The following PRTG variants were observed in gnomAD, a reference collection of about 807,000 sequenced individuals.
PRTG encodes the protein protogenin.
In PRTG, 67 loss-of-function variants were observed where a neutral mutation model predicts 122.5. The observed-to-expected ratio is 0.55, with a 90% CI of 0.45 to 0.67. The LOEUF (loss-of-function observed/expected upper bound fraction) is 0.67. Among genes scored for constraint, PRTG ranks in the 30% least tolerant of loss-of-function variants. PRTG has a pLI of 0.00. For missense variants in PRTG, 1,435 were observed against 1,415.4 expected, an observed-to-expected ratio of 1.01 and a Z score of -0.22; for synonymous variants, 554 against 501.1, an observed-to-expected ratio of 1.11 and a Z score of -1.41.
chr15:55,734,353 T>A (rs1483854008), intron 2 of PRTG, among the ~76,000 whole-genome samples: 1 of 152,134 alleles, frequency 6.6e-6, no homozygotes, highest in African/African-American at 2.4e-5. Context: ...TTATTTAAAG[T>A]AGTCTGCATA....
intron 19 of PRTG, among the ~76,000 whole-genome samples, 153 bp downstream of exon 19, chr15:55,620,510 G>C (rs1595597490): frequency 6.6e-6 from 1 of 152,108 alleles, no homozygotes; most frequent in Non-Finnish European, 1.5e-5. Flanking sequence ...CATTCACCTC[G>C]CTCTCCACAG....
chr15:55,638,593 GA>G lies in PRTG; in HGVS notation c.2407del (p.Ser803ProfsTer7), dbSNP rs2059271137. On this transcript the variant is annotated frameshift_variant, in exon 14 of 20. Coordinates refer to ENST00000389286, the MANE Select transcript of PRTG (RefSeq NM_173814.6). LOFTEE classifies it high-confidence loss of function. Reference protein sequence around the residue: ...FAVRLHVDQLSSPWSPVVYHS... With the variant: ...FAVRLHVDQLXSPWSPVVYHS... ...GTAGACTACAGGGCTCCAAGGACTGGAAAGCTGATCCACATGTAATCGAACG... is the reference window on the plus strand; with the variant it reads ...GTAGACTACAGGGCTCCAAGGACTGGAAGCTGATCCACATGTAATCGAACG... 6.2e-7 allele frequency: 1 copy of G among 1,613,600 alleles called. No individual in the cohort carries two copies. Among genetic ancestry groups the G allele is most frequent in the Non-Finnish European group, 8.5e-7 (1 of 1,179,646 alleles).
chr15:55,636,593 T>C (rs533596393), intron 15 of PRTG, among the ~76,000 whole-genome samples: 1 of 152,228 alleles, frequency 6.6e-6, no homozygotes, highest in South Asian at 2.1e-4. Flanking sequence ...CTACGGTAAT[T>C]TCCTAACTAG....
chr15:55,646,386 G>C (rs1033319613), intron 11 of PRTG, among the ~76,000 whole-genome samples: 14 of 150,302 alleles, frequency 9.3e-5, no homozygotes, highest in African/African-American at 3.4e-4. Context: ...GCAGTGGCAC[G>C]ATCTCAGCTC....
chr15:55,661,383 C>T, intron 11 of PRTG, among the ~76,000 whole-genome samples: 1 of 152,180 alleles, frequency 6.6e-6, no homozygotes, highest in South Asian at 2.1e-4. Flanking sequence ...AGCAGCAACA[C>T]AGCCACATGA....
At chr15:55,671,784 A>G (rs2059473321) in intron 11 of PRTG, among the ~76,000 whole-genome samples, 1 of 152,206 alleles carries the variant, frequency 6.6e-6, no homozygotes, top group Non-Finnish European at 1.5e-5. Flanking sequence ...TACAGGCATG[A>G]GCCACCACGC....
intron 2 of PRTG, among the ~76,000 whole-genome samples, chr15:55,724,091 C>G (rs1400256599): frequency 6.6e-6 from 1 of 152,094 alleles, no homozygotes; most frequent in Admixed American, 6.6e-5. Flanking sequence ...TGTTTTGTGG[C>G]CCAACATGTG....
In PRTG at chr15:55,641,144, T is replaced by C; in HGVS notation, c.2106A>G (p.Ala702=). The change falls in exon 12 of 20, where the codon GCA becomes GCG. Residue 702 remains alanine, a synonymous_variant. Transcript: ENST00000389286. ...AYNNIDDGYQ[A]DQTVSTPGCV... is the part of the protein sequence containing the mutation. ...ATCCTGGAGTGCTGACAGTCTGATC[T>C]GCCTGATAGCCATCGTCTATGTTGT... The C allele has an allele frequency of 6.2e-7, 1 of 1,614,058 alleles. No individual in the cohort carries two copies. The highest frequency in any genetic ancestry group is 8.5e-7 in the Non-Finnish European group (1 of 1,179,918).
Position 55,661,442 on chromosome 15 carries a change from G to C in PRTG, c.2041+11003C>G, listed in dbSNP as rs995586209. On this transcript the variant is annotated intron_variant, in intron 11 of 19. Transcript: ENST00000389286. ...TGCTTATTTTCTCCATCTCCACAGG[G>C]GCCTTACTTTATTTAGGGTTCTTTT... Among the ~76,000 whole-genome samples, 4 of 152,032 alleles carry C rather than the reference G, an allele frequency of 2.6e-5. No individual in the cohort carries two copies. The East Asian group carries it at 7.7e-4, about 29-fold the overall frequency.
intron 4 of PRTG, 75 bp from the exon 5 acceptor site, chr15:55,680,703 ATTC>A: frequency 1.0e-6 from 1 of 979,808 alleles, no homozygotes. Flanking sequence ...TGAGACATTT[ATTC>A]TTATCACTCA....
chr15:55,670,616 A>T lies in PRTG; in HGVS notation c.2041+1829T>A, dbSNP rs2059464022. Among the ~76,000 whole-genome samples, 3 of 152,164 alleles carry T rather than the reference A, an allele frequency of 2.0e-5. No homozygotes were observed. In the South Asian group the frequency reaches 6.2e-4, roughly 32 times the overall value. On this transcript the variant is annotated intron_variant, in intron 11 of 19. Transcript: ENST00000389286. ...TCCTCTTCATTTACAAAACTGTGTG[A>T]CAGGCCGGGCACAGTGGCTCACGCC... is the stretch of plus-strand genomic sequence containing the variant.
At chr15:55,686,131 A>C (rs945365865) in intron 2 of PRTG, among the ~76,000 whole-genome samples, 1 of 152,146 alleles carries the variant, frequency 6.6e-6, no homozygotes, top group Admixed American at 6.6e-5. Context: ...TAATCAGGTA[A>C]GTTTGTCTTT....
chr15:55,733,990 C>T (rs528072780), intron 2 of PRTG, among the ~76,000 whole-genome samples: 25 of 152,184 alleles, frequency 1.6e-4, no homozygotes, highest in Non-Finnish European at 2.8e-4. Flanking sequence ...CTACTACTTT[C>T]GGAAACATCA....
intron 11 of PRTG, among the ~76,000 whole-genome samples, chr15:55,647,291 G>C (rs911122278): frequency 7.9e-5 from 12 of 152,054 alleles, no homozygotes; most frequent in African/African-American, 2.2e-4. Flanking sequence ...AAATAAAAAA[G>C]GAAGAGTCAG....
At chr15:55,650,427 A>C (rs1171067176) in intron 11 of PRTG, among the ~76,000 whole-genome samples, 1 of 152,130 alleles carries the variant, frequency 6.6e-6, no homozygotes, top group Non-Finnish European at 1.5e-5. Flanking sequence ...GGAAGAAGAG[A>C]TCTAGGCCAA....
chr15:55,663,162 C>T (rs2059419218), intron 11 of PRTG, among the ~76,000 whole-genome samples: 1 of 152,132 alleles, frequency 6.6e-6, no homozygotes, highest in Non-Finnish European at 1.5e-5. Context: ...TACTATGTAC[C>T]AACCCGCTGT....
chr15:55,675,506 C>T lies in PRTG; in HGVS notation c.1546+13G>A, dbSNP rs777283789. ...TGTTCATACTGAAATGATCTAGAAT[C>T]ATGTTTTCTTACCATCCTCTAGAGT... On this transcript the variant is annotated intron_variant, in intron 9 of 19. Transcript: ENST00000389286. 8 of 1,581,020 alleles carry T rather than the reference C, an allele frequency of 5.1e-6. No homozygotes were observed. The Admixed American group carries it at 6.8e-5, about 13-fold the overall frequency.
chr15:55,649,707 G>T (rs372992787), intron 11 of PRTG, among the ~76,000 whole-genome samples: 4 of 152,172 alleles, frequency 2.6e-5, no homozygotes, highest in South Asian at 4.1e-4. Flanking sequence ...CACAAGAATC[G>T]CTTCAAACTG....
chr15:55,621,980 T>G (rs773916707), intron 18 of PRTG, among the ~76,000 whole-genome samples: 1 of 152,130 alleles, frequency 6.6e-6, no homozygotes, highest in Non-Finnish European at 1.5e-5. Context: ...AACCCACATA[T>G]GATCAACAAA....
Sources: allele counts gnomAD v4.1 joint callset (sites outside exome capture counted in the v4.1 genomes callset), GRCh38; gene constraint gnomAD v4.1.1; transcripts MANE v1.5; gene names NCBI Gene and HGNC (gene_info 2026-07-23, HGNC 2026-07-21).